Variants in NKAIN2 observed in about 807,000 individuals in gnomAD.
The protein encoded by NKAIN2 is sodium/potassium-transporting ATPase subunit beta-1-interacting protein 2.
NKAIN2 carries 14 observed loss-of-function variants against 32.6 expected under a neutral mutation model. The observed-to-expected ratio is 0.43, with a 90% confidence interval of 0.28 to 0.67. NKAIN2 has a LOEUF of 0.67. Among genes scored for constraint, NKAIN2 ranks in the 30% least tolerant of loss-of-function variants. The pLI, the probability that NKAIN2 is intolerant of heterozygous loss-of-function variation, is 0.17. For synonymous variants in NKAIN2, 80 were observed against 87.2 expected (o/e 0.92, Z 0.46); for missense variants, 198 against 258.3 (o/e 0.77, Z 1.60).
intron 5 of NKAIN2, among the ~76,000 whole-genome samples, chr6:124,808,592 C>G (rs769266929): frequency 2.0e-5 from 3 of 152,156 alleles, no homozygotes; most frequent in Non-Finnish European, 4.4e-5. Context: ...GATGCCCTCT[C>G]TCACCACTCC....
intron 2 of NKAIN2, among the ~76,000 whole-genome samples, chr6:124,312,746 G>T (rs1796776214): frequency 6.6e-6 from 1 of 152,132 alleles, no homozygotes; most frequent in African/African-American, 2.4e-5. Flanking sequence ...TTGGACAAAA[G>T]GGTGTGATCT....
chr6:124,293,312 GTTA>G (rs1795901728), intron 2 of NKAIN2, among the ~76,000 whole-genome samples: 1 of 151,782 alleles, frequency 6.6e-6, no homozygotes. Context: ...TTTGTAATAT[GTTA>G]TTCTTTTTTT....
At chr6:124,822,646 C>A (rs1170828198) in intron 6 of NKAIN2, among the ~76,000 whole-genome samples, 1 of 152,082 alleles carries the variant, frequency 6.6e-6, no homozygotes, top group Non-Finnish European at 1.5e-5. Flanking sequence ...GTATAACTAA[C>A]CTAAAAAGGA....
intron 4 of NKAIN2, among the ~76,000 whole-genome samples, chr6:124,716,888 C>T (rs534061006): frequency 2.7e-4 from 41 of 152,034 alleles, no homozygotes; most frequent in Non-Finnish European, 5.4e-4. Context: ...GGGATAAGCT[C>T]CATGAGGGCA....
intron 3 of NKAIN2, among the ~76,000 whole-genome samples, chr6:124,524,372 A>G (rs1779233674): frequency 6.6e-6 from 1 of 152,202 alleles, no homozygotes; most frequent in African/African-American, 2.4e-5. Context: ...TGCTGAATAT[A>G]TAGTTGCTAA....
intron 3 of NKAIN2, among the ~76,000 whole-genome samples, chr6:124,427,071 T>TA (rs1775014849): frequency 6.6e-6 from 1 of 152,206 alleles, no homozygotes. Flanking sequence ...TATAAAATAT[T>TA]ACAACCATTT....
intron 1 of NKAIN2, among the ~76,000 whole-genome samples, chr6:124,154,520 C>A (rs889843297): frequency 2.0e-5 from 3 of 151,924 alleles, no homozygotes; most frequent in African/African-American, 7.2e-5. Flanking sequence ...TTTTCCCTTT[C>A]CTAAGAAAAT....
At position 123,909,991 on chromosome 6, in the gene NKAIN2, A is replaced by G. The variant is rs192759319; in HGVS notation, c.54+105737A>G. Among the ~76,000 whole-genome samples, 226 of 145,462 alleles carry G rather than the reference A, an allele frequency of 1.6e-3. 7 individuals are homozygous for G. In the East Asian group the frequency reaches 0.038, roughly 25 times the overall value. On this transcript the variant is annotated intron_variant, in intron 1 of 6. Transcript: ENST00000368417. ...ATATTTTCAAAGAAAAGTCTGCCATAAAAAAAAAAATGTAACCGTAACAGT... is the reference window on the plus strand; with the variant it reads ...ATATTTTCAAAGAAAAGTCTGCCATGAAAAAAAAAATGTAACCGTAACAGT...
intron 3 of NKAIN2, among the ~76,000 whole-genome samples, chr6:124,552,794 T>C (rs1426636335): frequency 2.0e-5 from 3 of 152,240 alleles, no homozygotes; most frequent in Admixed American, 6.5e-5. Context: ...GAGCAGAGCC[T>C]GAGTATCTCA....
chr6:124,285,200 T>C lies in NKAIN2; in HGVS notation c.192+2058T>C, dbSNP rs1795479711. The stretch of plus-strand genomic sequence containing the variant: ...CCTGAGACAATGTCTTTGGAAATCT[T>C]TTGCCGGCTGGAGATGATGTAAATG... On this transcript the variant is annotated intron_variant, in intron 2 of 6. Transcript: ENST00000368417. 2.6e-5 allele frequency among the ~76,000 whole-genome samples: 4 copies of C among 152,186 alleles called. No homozygotes were observed. The South Asian group carries it at 8.3e-4, about 31-fold the overall frequency.
At chr6:124,628,969 AAAGT>A (rs886575466) in intron 3 of NKAIN2, among the ~76,000 whole-genome samples, 2 of 152,170 alleles carry the variant, frequency 1.3e-5, no homozygotes, top group African/African-American at 2.4e-5. Flanking sequence ...AGCTAGCTCA[AAAGT>A]AAGAGGGAAA....
Position 124,349,247 on chromosome 6 carries a change from G to T in NKAIN2, c.193-6020G>T, listed in dbSNP as rs149138202. ...CTGTTAGCTGGTTTACCCCCTCACA[G>T]ATTGAATCCCAGGTTACCACACAGG... On this transcript the variant is annotated intron_variant, in intron 2 of 6. Coordinates refer to ENST00000368417, the MANE Select transcript of NKAIN2 (RefSeq NM_001040214.3). 1.5e-4 allele frequency among the ~76,000 whole-genome samples: 23 copies of T among 152,110 alleles called. No individual in the cohort carries two copies. The East Asian group carries it at 3.1e-3, about 21-fold the overall frequency.
chr6:124,275,488 G>A (rs995626912), intron 1 of NKAIN2, among the ~76,000 whole-genome samples: 2 of 152,122 alleles, frequency 1.3e-5, no homozygotes, highest in African/African-American at 4.8e-5. Context: ...TGTGGAGACA[G>A]TTTTAAAAAT....
chr6:124,557,154 T>C (rs1403222403), intron 3 of NKAIN2, among the ~76,000 whole-genome samples: 1 of 152,162 alleles, frequency 6.6e-6, no homozygotes, highest in African/African-American at 2.4e-5. Context: ...TAGGCAAATA[T>C]TGATGATTGT....
chr6:124,016,634 C>T (rs1205191886), intron 1 of NKAIN2, among the ~76,000 whole-genome samples: 3 of 152,176 alleles, frequency 2.0e-5, no homozygotes, highest in African/African-American at 4.8e-5. Context: ...TTAGCCACCC[C>T]AACAGTAATA....
chr6:123,991,350 G>A (rs371896677), intron 1 of NKAIN2, among the ~76,000 whole-genome samples: 20 of 152,226 alleles, frequency 1.3e-4, no homozygotes, highest in East Asian at 1.2e-3. Flanking sequence ...ATGAGATGGG[G>A]TAGGCAAAGA....
At chr6:124,363,057 A>G (rs1799361022) in intron 3 of NKAIN2, among the ~76,000 whole-genome samples, 1 of 151,890 alleles carries the variant, frequency 6.6e-6, no homozygotes, top group African/African-American at 2.4e-5. Context: ...CTGGTCTGGA[A>G]CTCCTGACCT....
chr6:124,063,597 TAG>T, intron 1 of NKAIN2, among the ~76,000 whole-genome samples: 1 of 152,310 alleles, frequency 6.6e-6, no homozygotes, highest in East Asian at 1.9e-4. Flanking sequence ...CATGGTCATT[TAG>T]CTATTCAATG....
rs186268967 is a variant in NKAIN2, at chr6:124,021,070, T to C, written c.54+216816T>C. On this transcript the variant is annotated intron_variant, in intron 1 of 6. Transcript: ENST00000368417. ...ACACTTTACTGTAAGTAAAATTGAG[T>C]AAAAGCACAATTCTTTGCCTTTCTA... is the stretch of plus-strand genomic sequence containing the variant. Among the ~76,000 whole-genome samples, 147 of 152,202 alleles carry C rather than the reference T, an allele frequency of 9.7e-4. 1 individual carries two copies. Among genetic ancestry groups the C allele is most frequent in the Non-Finnish European group, 6.8e-4 (46 of 67,982 alleles).
Sources: gnomAD v4.1 joint callset for allele counts (sites outside exome capture counted in the v4.1 genomes callset) on GRCh38, gnomAD v4.1.1 for gene constraint, MANE v1.5 for transcripts, NCBI Gene and HGNC (gene_info 2026-07-23, HGNC 2026-07-21) for gene names.